The following SV2C variants were observed in gnomAD, a reference collection of about 807,000 sequenced individuals.
SV2C encodes solute carrier family 22 member B3.
SV2C carries 49 observed loss-of-function variants against 79.7 expected under a neutral mutation model. The observed-to-expected ratio is 0.61, with a 90% CI of 0.49 to 0.78. SV2C has a LOEUF of 0.78. SV2C is among the 30% of genes least tolerant of loss of function. The probability of loss-of-function intolerance (pLI) is 0.00; values close to 1 mark genes in which losing one functional copy is unlikely to be tolerated. For synonymous variants in SV2C, 334 were observed against 333.2 expected (o/e 1.00, Z -0.03); for missense variants, 833 against 912.9 (o/e 0.91, Z 1.13).
the SV2C span, among the ~76,000 whole-genome samples, chr5:75,952,247 T>TTTCCTTCCTACCTTCC: frequency 8.2e-3 from 1,185 of 144,348 alleles, 23 homozygotes; most frequent in African/African-American, 0.03. Context: ...TCTCCTGCAT[T>TTTCCTTCCTACCTTCC]TTCCTTCCTT....
At chr5:76,020,669 CCTT>C in the SV2C span, among the ~76,000 whole-genome samples, 2 of 152,148 alleles carry the variant, frequency 1.3e-5, no homozygotes, top group Non-Finnish European at 2.9e-5. Flanking sequence ...GCCCATTCTT[CCTT>C]CTTCTAGGAA....
At chr5:76,282,915 G>A (rs1352486595) in intron 4 of SV2C, among the ~76,000 whole-genome samples, 4 of 152,156 alleles carry the variant, frequency 2.6e-5, no homozygotes, top group African/African-American at 9.7e-5. Flanking sequence ...AGGAGGCTAA[G>A]GCATGAGAAT....
At chr5:76,125,297 G>T (rs377398857) in intron 1 of SV2C, among the ~76,000 whole-genome samples, 2 of 152,210 alleles carry the variant, frequency 1.3e-5, no homozygotes, top group East Asian at 3.9e-4. Flanking sequence ...ACACTTGAAA[G>T]AAATACTGTA....
the SV2C span, among the ~76,000 whole-genome samples, chr5:75,876,683 G>A: frequency 6.6e-6 from 1 of 152,002 alleles, no homozygotes; most frequent in African/African-American, 2.4e-5. Context: ...TCATAAAGAG[G>A]GAGAAATGGA....
intron 4 of SV2C, among the ~76,000 whole-genome samples, chr5:76,277,213 T>C (rs1747049199): frequency 6.7e-6 from 1 of 150,150 alleles, no homozygotes; most frequent in Admixed American, 6.7e-5. Flanking sequence ...AAGCTAAACA[T>C]GAGCTTATTA....
At position 76,277,211 on chromosome 5, in the gene SV2C, C is replaced by T. The variant is rs373554256; in HGVS notation, c.914-7951C>T. On this transcript the variant is annotated intron_variant, in intron 4 of 12. Coordinates refer to ENST00000502798, the MANE Select transcript of SV2C (RefSeq NM_014979.4). Reference sequence around the variant, plus strand: ...TTTGGCAGTCTGCTGTAAAGCTAAACATGAGCTTATTATGTGACTCGACCA... The same window carrying T: ...TTTGGCAGTCTGCTGTAAAGCTAAATATGAGCTTATTATGTGACTCGACCA... Among the ~76,000 whole-genome samples, 6 of 150,202 alleles carry T rather than the reference C, an allele frequency of 4.0e-5. No individual in the cohort carries two copies. In the East Asian group the frequency reaches 5.8e-4, roughly 14 times the overall value.
chr5:76,119,300 A>G (rs1561223369), intron 1 of SV2C, among the ~76,000 whole-genome samples: 2 of 152,210 alleles, frequency 1.3e-5, no homozygotes. Flanking sequence ...TCCACCCTGC[A>G]CCCTATTGCA....
the SV2C span, among the ~76,000 whole-genome samples, chr5:75,901,338 G>C: frequency 1.3e-5 from 2 of 152,188 alleles, no homozygotes; most frequent in African/African-American, 2.4e-5. Context: ...GTTGGAGTTT[G>C]CTGGAGGTCC....
the SV2C span, among the ~76,000 whole-genome samples, chr5:75,996,464 C>T: frequency 1.2e-3 from 176 of 152,152 alleles, no homozygotes; most frequent in African/African-American, 3.5e-3. Flanking sequence ...CTTGGCAATG[C>T]GGGATCTTTT....
intron 4 of SV2C, among the ~76,000 whole-genome samples, chr5:76,214,101 T>C (rs1349305722): frequency 6.6e-6 from 1 of 152,188 alleles, no homozygotes; most frequent in Non-Finnish European, 1.5e-5. Context: ...TGTGTGTGTA[T>C]GTATGTACAT....
At chr5:76,235,116 G>A (rs2112408164) in intron 4 of SV2C, among the ~76,000 whole-genome samples, 1 of 146,070 alleles carries the variant, frequency 6.8e-6, no homozygotes, top group East Asian at 2.1e-4. Context: ...TGCTTTAAGT[G>A]ATTTTTTTTT....
chr5:75,927,675 AC>A, the SV2C span, among the ~76,000 whole-genome samples: 5 of 152,044 alleles, frequency 3.3e-5, no homozygotes, highest in South Asian at 6.3e-4. Flanking sequence ...ATAACAACAA[AC>A]CCCCCAAACC....
At chr5:76,005,732 A>G in the SV2C span, among the ~76,000 whole-genome samples, 6 of 152,336 alleles carry the variant, frequency 3.9e-5, no homozygotes, top group South Asian at 4.1e-4. Flanking sequence ...TTAGCTGACA[A>G]ATGAAACCAT....
the SV2C span, among the ~76,000 whole-genome samples, chr5:76,030,282 TTTTTTTTTTTA>T: frequency 4.2e-5 from 5 of 120,380 alleles, no homozygotes; most frequent in African/African-American, 1.7e-4. Flanking sequence ...TTTTTTTTTT[TTTTTTTTTTTA>T]TTTATTCCTG....
At chr5:76,197,100 G>T (rs1381526993) in intron 3 of SV2C, among the ~76,000 whole-genome samples, 1 of 152,218 alleles carries the variant, frequency 6.6e-6, no homozygotes, top group Admixed American at 6.5e-5. Flanking sequence ...GGAAAGTCAT[G>T]CAGGCTCTCC....
chr5:75,961,247 G>C, the SV2C span, among the ~76,000 whole-genome samples: 1 of 151,886 alleles, frequency 6.6e-6, no homozygotes, highest in Non-Finnish European at 1.5e-5. Flanking sequence ...CATATGTCTA[G>C]GTTTTCTGTC....
intron 4 of SV2C, among the ~76,000 whole-genome samples, chr5:76,214,509 G>C (rs977575180): frequency 1.3e-5 from 2 of 152,066 alleles, no homozygotes; most frequent in Non-Finnish European, 2.9e-5. Context: ...AGCTACTCAG[G>C]GTCTTTTGTT....
At chr5:76,026,817 A>G in the SV2C span, among the ~76,000 whole-genome samples, 3,058 of 152,292 alleles carry the variant, frequency 0.02, 98 homozygotes, top group African/African-American at 0.068. Flanking sequence ...AGACGGTGCT[A>G]CAACGGGAAA....
At chr5:76,057,177 G>C in the SV2C span, among the ~76,000 whole-genome samples, 1,189 of 152,206 alleles carry the variant, frequency 7.8e-3, 16 homozygotes, top group African/African-American at 0.028. Flanking sequence ...GTGTCCCAGA[G>C]ATTCTAATAC....
Sources: gnomAD v4.1 joint callset for allele counts (sites outside exome capture counted in the v4.1 genomes callset) on GRCh38, gnomAD v4.1.1 for gene constraint, MANE v1.5 for transcripts, NCBI Gene and HGNC (gene_info 2026-07-23, HGNC 2026-07-21) for gene names.